Variants in CCBE1 observed in about 807,000 individuals in gnomAD.
The protein encoded by CCBE1 is collagen and calcium-binding EGF domain-containing protein 1.
CCBE1 carries 37 observed loss-of-function variants against 50.0 expected under a neutral mutation model. The ratio of observed to expected loss-of-function variants is 0.74; its 90% CI spans 0.57 to 0.97. The LOEUF is 0.97. Among genes scored for constraint, CCBE1 ranks in the 50% least tolerant of loss-of-function variants. CCBE1 has a pLI of 0.00. For missense variants in CCBE1, 538 were observed against 523.8 expected, an observed-to-expected ratio of 1.03 and a Z score of -0.26; for synonymous variants, 234 against 203.7, an observed-to-expected ratio of 1.15 and a Z score of -1.27.
chr18:59,562,622 C>T (rs1297201695), intron 2 of CCBE1, among the ~76,000 whole-genome samples: 2 of 152,208 alleles, frequency 1.3e-5, no homozygotes, highest in Non-Finnish European at 2.9e-5. Flanking sequence ...GGCCGGAATC[C>T]AGGTGTTTTT....
At chr18:59,584,340 G>C (rs1455734084) in intron 2 of CCBE1, among the ~76,000 whole-genome samples, 1 of 134,946 alleles carries the variant, frequency 7.4e-6, no homozygotes, top group Admixed American at 7.6e-5. Context: ...TCACACTCTG[G>C]GGACTGTTGT....
chr18:59,615,366 C>T (rs140834406), intron 2 of CCBE1, among the ~76,000 whole-genome samples: 26 of 152,308 alleles, frequency 1.7e-4, no homozygotes, highest in African/African-American at 5.3e-4. Flanking sequence ...TGCTCATTCG[C>T]GCTGCGTAAT....
chr18:59,608,217 A>C (rs2053526581), intron 2 of CCBE1, among the ~76,000 whole-genome samples: 1 of 152,180 alleles, frequency 6.6e-6, no homozygotes, highest in Non-Finnish European at 1.5e-5. Flanking sequence ...GAAACAAGCT[A>C]CTCAGTAGCA....
At chr18:59,494,374 C>T (rs767912154) in intron 2 of CCBE1, among the ~76,000 whole-genome samples, 2 of 152,148 alleles carry the variant, frequency 1.3e-5, no homozygotes, top group African/African-American at 4.8e-5. Flanking sequence ...CTTAGACAAC[C>T]TTTAGGATGT....
intron 2 of CCBE1, among the ~76,000 whole-genome samples, chr18:59,550,768 C>A (rs1330148194): frequency 2.0e-5 from 3 of 151,906 alleles, no homozygotes; most frequent in Admixed American, 6.6e-5. Flanking sequence ...GTGGCTCACG[C>A]CTGTAATCCC....
At chr18:59,470,307 G>A (rs1416168546) in intron 3 of CCBE1, among the ~76,000 whole-genome samples, 1 of 152,100 alleles carries the variant, frequency 6.6e-6, no homozygotes, top group Non-Finnish European at 1.5e-5. Context: ...ACTGTCATGA[G>A]AACACCATGG....
chr18:59,526,593 GC>G (rs1290661686), intron 2 of CCBE1, among the ~76,000 whole-genome samples: 1 of 152,164 alleles, frequency 6.6e-6, no homozygotes, highest in East Asian at 1.9e-4. Flanking sequence ...ACAGGTGTGA[GC>G]CACCATGCCC....
chr18:59,625,430 C>CAAAAAAAAAAAAA lies in CCBE1; in HGVS notation c.212+71186_212+71198dup, dbSNP rs750324482. Among the ~76,000 whole-genome samples, 208 of 69,846 alleles carry CAAAAAAAAAAAAA rather than the reference C, an allele frequency of 3.0e-3. 20 individuals are homozygous for CAAAAAAAAAAAAA. The highest frequency in any genetic ancestry group is 0.012 in the African/African-American group (195 of 16,426). 45.8% of individuals were successfully genotyped at this position (69,846 alleles called of 152,430 possible). ...TGGGCTACAGAGTGAGATTCTGTCT[C>CAAAAAAAAAAAAA]AAAAAAAAAAAAAAAAAAAAAAAAT... is the stretch of plus-strand genomic sequence containing the variant. On this transcript the variant is annotated intron_variant, in intron 2 of 10. Coordinates refer to ENST00000439986, the MANE Select transcript of CCBE1 (RefSeq NM_133459.4).
chr18:59,497,882 G>A (rs1399365496), intron 2 of CCBE1, among the ~76,000 whole-genome samples: 1 of 152,202 alleles, frequency 6.6e-6, no homozygotes, highest in Admixed American at 6.5e-5. Context: ...GCCTCTGTCT[G>A]CCAGGACAAA....
At chr18:59,641,406 T>G (rs2053988141) in intron 2 of CCBE1, among the ~76,000 whole-genome samples, 2 of 152,084 alleles carry the variant, frequency 1.3e-5, no homozygotes, top group Non-Finnish European at 2.9e-5. Flanking sequence ...CGTGTCCATA[T>G]GGACACAAAT....
chr18:59,692,497 T>C (rs1347076097), intron 2 of CCBE1, among the ~76,000 whole-genome samples: 4 of 152,040 alleles, frequency 2.6e-5, no homozygotes, highest in Non-Finnish European at 5.9e-5. Flanking sequence ...TCCCCCGCCA[T>C]GGGAACTTGG....
chr18:59,504,594 A>T (rs1913783731), intron 2 of CCBE1, among the ~76,000 whole-genome samples: 1 of 152,200 alleles, frequency 6.6e-6, no homozygotes, highest in Admixed American at 6.5e-5. Flanking sequence ...AGATGGGGGC[A>T]GAGATCGGAG....
chr18:59,571,905 C>T (rs939226122), intron 2 of CCBE1, among the ~76,000 whole-genome samples: 7 of 152,182 alleles, frequency 4.6e-5, no homozygotes, highest in African/African-American at 1.7e-4. Context: ...TTAACGAGAG[C>T]TGGTGGCAAA....
chr18:59,695,112 C>G (rs1364724004), intron 2 of CCBE1, among the ~76,000 whole-genome samples: 3 of 152,206 alleles, frequency 2.0e-5, no homozygotes, highest in Non-Finnish European at 4.4e-5. Flanking sequence ...AACATGCATT[C>G]TGTAACTGTC....
chr18:59,675,519 C>T (rs927541925), intron 2 of CCBE1, among the ~76,000 whole-genome samples: 2 of 152,146 alleles, frequency 1.3e-5, no homozygotes, highest in Admixed American at 6.5e-5. Context: ...GGACAGCTCC[C>T]GTGTTAAAAG....
intron 2 of CCBE1, among the ~76,000 whole-genome samples, chr18:59,638,171 T>G (rs1415349389): frequency 1.3e-5 from 2 of 152,204 alleles, no homozygotes; most frequent in African/African-American, 4.8e-5. Context: ...TCATGTTATC[T>G]CAAAACATGA....
At chr18:59,478,549 A>T (rs1306374991) in intron 3 of CCBE1, among the ~76,000 whole-genome samples, 1 of 152,204 alleles carries the variant, frequency 6.6e-6, no homozygotes, top group Non-Finnish European at 1.5e-5. Context: ...TCCTGAAAAT[A>T]TTCAGTTCTG....
At position 59,434,851 on chromosome 18, in the gene CCBE1, G is replaced by GA; in HGVS notation, c.*1056dup. 6.6e-6 allele frequency: 1 copy of GA among 152,244 alleles called. No homozygotes were observed. The highest frequency in any genetic ancestry group is 3.4e-3 in the Middle Eastern group (1 of 294). 9.4% of individuals were successfully genotyped at this position (152,244 alleles called of 1,614,324 possible). A position where few individuals can be genotyped will look rare whatever the true frequency, so the allele number is the denominator to read the frequency against. ...GACAAAAACTTGTAATACCCAAGGA[G>GA]AAAAAATTTACCTACCGCTGCTGAT... On this transcript the variant is annotated 3_prime_UTR_variant, in exon 11 of 11. Transcript: ENST00000439986.
intron 2 of CCBE1, among the ~76,000 whole-genome samples, chr18:59,513,862 C>T (rs560352826): frequency 1.2e-4 from 18 of 152,272 alleles, no homozygotes; most frequent in East Asian, 5.8e-4. Flanking sequence ...CTGTTATGCC[C>T]GGCTGTCTCC....
Sources: gnomAD v4.1 joint callset for allele counts (sites outside exome capture counted in the v4.1 genomes callset) on GRCh38, gnomAD v4.1.1 for gene constraint, MANE v1.5 for transcripts, NCBI Gene and HGNC (gene_info 2026-07-23, HGNC 2026-07-21) for gene names.